Variants in SLIT3 observed in about 807,000 individuals in gnomAD.
SLIT3 encodes slit homolog 3 protein.
SLIT3 carries 68 observed loss-of-function variants against 184.0 expected under a neutral mutation model. The ratio of observed to expected loss-of-function variants is 0.37; its 90% CI spans 0.30 to 0.45. SLIT3 has a LOEUF of 0.45. Ranked by LOEUF, SLIT3 falls within the 20% of genes least tolerant of loss-of-function variation. SLIT3 has a pLI of 1.00. For missense variants in SLIT3, 1,707 were observed against 2,026.0 expected (o/e 0.84, Z 3.02); for synonymous variants, 831 against 828.6 (o/e 1.00, Z -0.05).
At chr5:169,165,491 T>G (rs297819) in intron 4 of SLIT3, among the ~76,000 whole-genome samples, 1 of 152,152 alleles carries the variant, frequency 6.6e-6, no homozygotes, top group African/African-American at 2.4e-5. Flanking sequence ...ACTATGCATC[T>G]TGCACTATTC....
intron 4 of SLIT3, among the ~76,000 whole-genome samples, chr5:168,961,487 A>G (rs567451501): frequency 2.0e-5 from 3 of 152,252 alleles, no homozygotes; most frequent in Non-Finnish European, 4.4e-5. Flanking sequence ...CAACATTAAT[A>G]ATACAAGCAA....
chr5:169,177,280 C>G (rs779533573), intron 4 of SLIT3, among the ~76,000 whole-genome samples: 2 of 152,106 alleles, frequency 1.3e-5, no homozygotes, highest in Admixed American at 6.5e-5. Flanking sequence ...AAATAAGAGG[C>G]CTGGGCTGAT....
intron 4 of SLIT3, among the ~76,000 whole-genome samples, chr5:168,908,868 G>C (rs73802451): frequency 0.022 from 3,395 of 152,296 alleles, 129 homozygotes; most frequent in African/African-American, 0.077. Flanking sequence ...GACCTGAGGA[G>C]GAATGGCAGA....
chr5:168,996,568 G>A (rs1385236354), intron 4 of SLIT3, among the ~76,000 whole-genome samples: 2 of 152,192 alleles, frequency 1.3e-5, no homozygotes, highest in African/African-American at 4.8e-5. Flanking sequence ...CAAGCGCTTC[G>A]TGATGCCACA....
At chr5:168,871,973 G>A (rs564016201) in intron 5 of SLIT3, among the ~76,000 whole-genome samples, 1 of 152,262 alleles carries the variant, frequency 6.6e-6, no homozygotes, top group East Asian at 1.9e-4. Context: ...TACGGGAATG[G>A]GCAGGGTCTT....
chr5:168,781,915 T>C (rs1271472708), intron 12 of SLIT3, among the ~76,000 whole-genome samples: 2 of 152,124 alleles, frequency 1.3e-5, no homozygotes, highest in Non-Finnish European at 2.9e-5. Flanking sequence ...CTCTGTAAAA[T>C]GGGCCTTTCC....
At chr5:169,268,384 G>T (rs1766473254) in intron 1 of SLIT3, among the ~76,000 whole-genome samples, 1 of 152,174 alleles carries the variant, frequency 6.6e-6, no homozygotes, top group East Asian at 1.9e-4. Context: ...TCATCTGATG[G>T]CACCACATAA....
At position 168,897,648 on chromosome 5, in the gene SLIT3, A is replaced by G. The variant is rs59049109; in HGVS notation, c.414-14312T>C. On this transcript the variant is annotated intron_variant, in intron 4 of 35. Transcript: ENST00000519560. ...AAAGAGGATGGAGACAGGTGCACGT[A>G]CACACACACACACACACACACACAC... is the stretch of plus-strand genomic sequence containing the variant. Among the ~76,000 whole-genome samples, 49 of 47,626 alleles carry G rather than the reference A, an allele frequency of 1.0e-3. 1 individual carries two copies. The highest frequency in any genetic ancestry group is 0.011 in the Middle Eastern group (1 of 88). The allele number at this position is 47,626 out of a possible 152,430, so 31.2% of individuals were successfully genotyped here. A position where few individuals can be genotyped will look rare whatever the true frequency, so the allele number is the denominator to read the frequency against.
intron 1 of SLIT3, among the ~76,000 whole-genome samples, chr5:169,265,852 C>T (rs947128326): frequency 3.3e-5 from 5 of 152,174 alleles, no homozygotes; most frequent in African/African-American, 1.2e-4. Flanking sequence ...GACCTCCGTG[C>T]TTCTAACACA....
At chr5:169,193,197 C>A (rs11744763) in intron 4 of SLIT3, among the ~76,000 whole-genome samples, 23,799 of 152,120 alleles carry the variant, frequency 0.16, 2,200 homozygotes, top group East Asian at 0.44. Flanking sequence ...GACCCACAAT[C>A]CATGGAAGCA....
chr5:169,261,812 A>G (rs1184109915), intron 1 of SLIT3, among the ~76,000 whole-genome samples: 1 of 152,158 alleles, frequency 6.6e-6, no homozygotes, highest in Non-Finnish European at 1.5e-5. Context: ...AGGTGGTCGG[A>G]TGTCACCTTT....
At chr5:168,868,162 AAC>A (rs1393508470) in intron 5 of SLIT3, among the ~76,000 whole-genome samples, 2 of 152,210 alleles carry the variant, frequency 1.3e-5, no homozygotes, top group East Asian at 3.8e-4. Context: ...CTGTAAGATA[AAC>A]TCTGTGTGCA....
intron 14 of SLIT3, chr5:168,772,150 A>G (rs1234657825): frequency 2.0e-5 from 3 of 152,302 alleles, no homozygotes; most frequent in Non-Finnish European, 4.4e-5. Flanking sequence ...GAAGCTTTCT[A>G]GAGAGATCCT....
intron 34 of SLIT3, among the ~76,000 whole-genome samples, chr5:168,670,711 G>C (rs977523067): frequency 1.4e-4 from 22 of 152,140 alleles, no homozygotes; most frequent in Non-Finnish European, 5.9e-5. Flanking sequence ...GTTAGTTTTG[G>C]CTGATTCAGG....
chr5:168,844,897 T>TTA (rs1758404807), intron 5 of SLIT3: 1 of 46,676 alleles, frequency 2.1e-5, no homozygotes, highest in African/African-American at 6.6e-5. Context: ...TAATTGCGCA[T>TTA]TTTTTTTTTT....
At chr5:169,124,818 G>T (rs1316447618) in intron 4 of SLIT3, among the ~76,000 whole-genome samples, 1 of 151,444 alleles carries the variant, frequency 6.6e-6, no homozygotes, top group Non-Finnish European at 1.5e-5. Flanking sequence ...GTATTGTGCT[G>T]TACCTTCTAC....
chr5:168,774,455 A>C (rs1755670625), intron 12 of SLIT3, 77 bp from the exon 13 acceptor site: 15 of 1,446,528 alleles, frequency 1.0e-5, no homozygotes, highest in African/African-American at 1.4e-5. Context: ...CCTGCAGGGG[A>C]TGGGCTGCAA....
At chr5:169,194,372 G>T (rs1432849689) in intron 3 of SLIT3, among the ~76,000 whole-genome samples, 1 of 151,988 alleles carries the variant, frequency 6.6e-6, no homozygotes, top group African/African-American at 2.4e-5. Flanking sequence ...GGGCATGGCA[G>T]ATCACCTTGG....
intron 4 of SLIT3, among the ~76,000 whole-genome samples, chr5:169,134,778 C>T (rs927572894): frequency 6.6e-6 from 1 of 152,202 alleles, no homozygotes; most frequent in African/African-American, 2.4e-5. Flanking sequence ...AGGCCCTGAC[C>T]CTTCATGCCC....
Sources: allele counts gnomAD v4.1 joint callset (sites outside exome capture counted in the v4.1 genomes callset), GRCh38; gene constraint gnomAD v4.1.1; transcripts MANE v1.5; gene names NCBI Gene and HGNC (gene_info 2026-07-23, HGNC 2026-07-21).